DOK5: variants seen among roughly 807,000 people sequenced by gnomAD.
The protein encoded by DOK5 is downstream of tyrosine kinase 5.
In DOK5, 27 loss-of-function variants were observed where a neutral mutation model predicts 43.3. That is an observed-to-expected ratio of 0.62 (90% CI 0.46 to 0.86). The LOEUF is 0.86. Among genes scored for constraint, DOK5 ranks in the 40% least tolerant of loss-of-function variants. The probability of loss-of-function intolerance (pLI) is 0.00; values close to 1 mark genes in which losing one functional copy is unlikely to be tolerated. For synonymous variants in DOK5, 146 were observed against 140.1 expected, an observed-to-expected ratio of 1.04 and a Z score of -0.30; for missense variants, 373 against 392.9, an observed-to-expected ratio of 0.95 and a Z score of 0.43.
chr20:54,503,274 C>G (rs563104741), intron 1 of DOK5, among the ~76,000 whole-genome samples: 1 of 151,990 alleles, frequency 6.6e-6, no homozygotes, highest in African/African-American at 2.4e-5. Flanking sequence ...AAGTATATTT[C>G]TTTATTATTC....
chr20:54,511,887 C>G (rs982946664), intron 1 of DOK5, among the ~76,000 whole-genome samples: 3 of 152,194 alleles, frequency 2.0e-5, no homozygotes, highest in African/African-American at 4.8e-5. Flanking sequence ...TTTGAAGAAG[C>G]ATTTTTAAGC....
chr20:54,583,531 C>T (rs1332138938), intron 2 of DOK5, among the ~76,000 whole-genome samples: 1 of 152,112 alleles, frequency 6.6e-6, no homozygotes, highest in African/African-American at 2.4e-5. Context: ...TCAATTCTAT[C>T]AATCAATGTT....
intron 6 of DOK5, among the ~76,000 whole-genome samples, chr20:54,625,172 G>T (rs1987097197): frequency 6.6e-6 from 1 of 152,154 alleles, no homozygotes; most frequent in Non-Finnish European, 1.5e-5. Context: ...CAGCTCTTTG[G>T]GTGGTTCCTG....
Position 54,609,124 on chromosome 20 carries a change from A to C in DOK5, c.600-1264A>C, listed in dbSNP as rs79740110. Among the ~76,000 whole-genome samples, 1,197 of 152,304 alleles carry C rather than the reference A, an allele frequency of 7.9e-3. 15 individuals are homozygous for C. Among genetic ancestry groups the C allele is most frequent in the African/African-American group, 0.027 (1,138 of 41,556 alleles). ...TACTGGGCCAACTGCGAAACATTAG[A>C]TACATCTTCCTCGTATTATTGCATT... On this transcript the variant is annotated intron_variant, in intron 5 of 7. Transcript: ENST00000262593.
intron 2 of DOK5, among the ~76,000 whole-genome samples, chr20:54,560,646 G>GT (rs1984869072): frequency 6.6e-6 from 1 of 152,074 alleles, no homozygotes; most frequent in Non-Finnish European, 1.5e-5. Context: ...TTCAGATGGA[G>GT]TTTTGCTCTT....
intron 7 of DOK5, among the ~76,000 whole-genome samples, chr20:54,644,996 T>G (rs1383647965): frequency 8.1e-6 from 1 of 123,768 alleles, no homozygotes; most frequent in Non-Finnish European, 1.7e-5. Flanking sequence ...GTAAAAAAAC[T>G]CTTTTTTTTT....
chr20:54,553,234 C>T (rs138451316), intron 1 of DOK5, among the ~76,000 whole-genome samples: 2,234 of 152,248 alleles, frequency 0.015, 17 homozygotes, highest in Middle Eastern at 0.031. Flanking sequence ...CTCGCTCTGT[C>T]GCCCAGGCTG....
At chr20:54,574,702 A>G (rs1222982663) in intron 2 of DOK5, among the ~76,000 whole-genome samples, 1 of 152,184 alleles carries the variant, frequency 6.6e-6, no homozygotes, top group Non-Finnish European at 1.5e-5. Flanking sequence ...TCCTCAGTCA[A>G]TGTTTATCTT....
intron 2 of DOK5, among the ~76,000 whole-genome samples, chr20:54,584,155 T>G (rs1236363504): frequency 3.3e-5 from 5 of 151,658 alleles, no homozygotes; most frequent in Admixed American, 3.3e-4. Flanking sequence ...AAAATAATAA[T>G]AAATAAATAA....
At chr20:54,632,979 G>T (rs901635345) in intron 6 of DOK5, among the ~76,000 whole-genome samples, 1 of 152,134 alleles carries the variant, frequency 6.6e-6, no homozygotes, top group Non-Finnish European at 1.5e-5. Context: ...CCTGAGGCAG[G>T]AGAATCGCTT....
intron 7 of DOK5, among the ~76,000 whole-genome samples, chr20:54,649,396 G>A (rs57468096): frequency 0.039 from 5,932 of 151,902 alleles, 428 homozygotes; most frequent in African/African-American, 0.13. Context: ...CACTGCAGCC[G>A]GGGCGAAAAA....
At chr20:54,484,488 C>A (rs774324035) in intron 1 of DOK5, among the ~76,000 whole-genome samples, 1 of 151,952 alleles carries the variant, frequency 6.6e-6, no homozygotes, top group Non-Finnish European at 1.5e-5. Context: ...AGAGATATTC[C>A]ATGCCCTTTA....
chr20:54,515,156 G>T (rs528696567), intron 1 of DOK5, among the ~76,000 whole-genome samples: 1 of 151,734 alleles, frequency 6.6e-6, no homozygotes, highest in Non-Finnish European at 1.5e-5. Context: ...GATTACAGGC[G>T]CCCGCCACCA....
At position 54,568,679 on chromosome 20, in the gene DOK5, C is replaced by G. The variant is rs1470825356; in HGVS notation, c.174+13639C>G. Among the ~76,000 whole-genome samples the G allele has an allele frequency of 2.0e-5, 3 of 152,050 alleles. No homozygotes were observed. The East Asian group carries it at 5.8e-4, about 29-fold the overall frequency. ...GGCGCAGTGGCTCACGCCTGTAATC[C>G]CAGCACTTTTGGAGGCTGAGGCTGG... On this transcript the variant is annotated intron_variant, in intron 2 of 7. Coordinates refer to ENST00000262593, the MANE Select transcript of DOK5 (RefSeq NM_018431.5).
intron 5 of DOK5, among the ~76,000 whole-genome samples, chr20:54,607,156 T>C (rs1457914874): frequency 6.6e-6 from 1 of 152,210 alleles, no homozygotes; most frequent in East Asian, 1.9e-4. Context: ...GTCAGCTATC[T>C]AACCTGTCTA....
chr20:54,619,163 T>C (rs2146803596), intron 6 of DOK5, among the ~76,000 whole-genome samples: 1 of 148,280 alleles, frequency 6.7e-6, no homozygotes, highest in East Asian at 2.0e-4. Flanking sequence ...CTCGTCTACA[T>C]TTCCACTTTA....
intron 1 of DOK5, among the ~76,000 whole-genome samples, chr20:54,542,119 C>CACACACACAT (rs1984184876): frequency 1.4e-5 from 2 of 146,952 alleles, no homozygotes; most frequent in African/African-American, 5.5e-5. Flanking sequence ...CACACACACA[C>CACACACACAT]ACACACACAC....
intron 5 of DOK5, among the ~76,000 whole-genome samples, chr20:54,592,417 A>AATCTATACTAT (rs1241703397): frequency 6.6e-6 from 1 of 152,142 alleles, no homozygotes; most frequent in Non-Finnish European, 1.5e-5. Context: ...ATAGTATAGT[A>AATCTATACTAT]ACCAAGCCAG....
chr20:54,488,762 C>A (rs1429010283), intron 1 of DOK5, among the ~76,000 whole-genome samples: 7 of 89,672 alleles, frequency 7.8e-5, no homozygotes, highest in African/African-American at 5.5e-4. Context: ...TCTTTCCCTA[C>A]CCCTCCCCTC....
Sources: gnomAD v4.1 joint callset for allele counts (sites outside exome capture counted in the v4.1 genomes callset) on GRCh38, gnomAD v4.1.1 for gene constraint, MANE v1.5 for transcripts, NCBI Gene and HGNC (gene_info 2026-07-23, HGNC 2026-07-21) for gene names.